Variants in PCDH7 observed in about 807,000 individuals in gnomAD.
PCDH7 encodes the protein protocadherin-7.
In PCDH7, 17 loss-of-function variants were observed where a neutral mutation model predicts 58.9. The ratio of observed to expected loss-of-function variants is 0.29; its 90% CI spans 0.20 to 0.43. PCDH7 has a LOEUF of 0.43. Among genes scored for constraint, PCDH7 ranks in the 20% least tolerant of loss-of-function variants. The probability of loss-of-function intolerance (pLI) is 1.00; values close to 1 mark genes in which losing one functional copy is unlikely to be tolerated. For synonymous variants in PCDH7, 664 were observed against 616.4 expected (o/e 1.08, Z -1.14); for missense variants, 1,274 against 1,441.0 (o/e 0.88, Z 1.88).
intron 3 of PCDH7, among the ~76,000 whole-genome samples, chr4:31,097,656 T>G (rs2109296018): frequency 7.6e-6 from 1 of 132,374 alleles, no homozygotes; most frequent in South Asian, 2.5e-4. Context: ...TTTCTGTAAT[T>G]TCTGTAATTT....
intron 3 of PCDH7, among the ~76,000 whole-genome samples, chr4:31,067,236 T>C (rs1307165761): frequency 1.3e-5 from 2 of 151,932 alleles, no homozygotes; most frequent in African/African-American, 4.8e-5. Flanking sequence ...TGAATCTGTG[T>C]TTTTTACTAA....
intron 1 of PCDH7, among the ~76,000 whole-genome samples, chr4:30,815,895 G>A (rs925836556): frequency 6.6e-6 from 1 of 152,182 alleles, no homozygotes; most frequent in South Asian, 2.1e-4. Context: ...TTCCTCAGGG[G>A]AGGGCCCTGT....
intron 3 of PCDH7, among the ~76,000 whole-genome samples, chr4:31,082,232 T>C (rs1711587941): frequency 6.6e-6 from 1 of 152,194 alleles, no homozygotes; most frequent in South Asian, 2.1e-4. Context: ...CTAGACAGTG[T>C]CCAGTCTTAC....
downstream of PCDH7, among the ~76,000 whole-genome samples, chr4:30,737,190 TATA>T (rs1716425572): frequency 1.3e-5 from 2 of 152,178 alleles, no homozygotes; most frequent in African/African-American, 4.8e-5. Flanking sequence ...CACTTTAGAT[TATA>T]ACTCCTGCTC....
At chr4:30,899,823 A>G (rs1186253319) in intron 1 of PCDH7, among the ~76,000 whole-genome samples, 1 of 152,056 alleles carries the variant, frequency 6.6e-6, no homozygotes, top group African/African-American at 2.4e-5. Flanking sequence ...GGGTCTTGCC[A>G]TAACTAAACT....
intron 1 of PCDH7, among the ~76,000 whole-genome samples, chr4:30,783,762 G>A (rs975129184): frequency 1.3e-5 from 2 of 152,098 alleles, no homozygotes; most frequent in Non-Finnish European, 2.9e-5. Flanking sequence ...TGGCCAAGAA[G>A]GTCTAGAGAA....
chr4:30,976,747 C>T (rs1487836385), intron 3 of PCDH7, among the ~76,000 whole-genome samples: 1 of 152,088 alleles, frequency 6.6e-6, no homozygotes, highest in Non-Finnish European at 1.5e-5. Context: ...ATGGGAAACA[C>T]GTTTGGTTGC....
At chr4:30,812,235 G>C (rs1727114366) in intron 1 of PCDH7, among the ~76,000 whole-genome samples, 1 of 152,120 alleles carries the variant, frequency 6.6e-6, no homozygotes, top group Non-Finnish European at 1.5e-5. Flanking sequence ...TGAGAGTAGG[G>C]TAGGAGACAG....
chr4:31,094,508 G>T (rs773537821), intron 3 of PCDH7, among the ~76,000 whole-genome samples: 2 of 152,118 alleles, frequency 1.3e-5, no homozygotes, highest in Non-Finnish European at 2.9e-5. Flanking sequence ...TTCATAGTAA[G>T]GAATGTTTTA....
chr4:30,836,578 C>G (rs572835044), intron 1 of PCDH7, among the ~76,000 whole-genome samples: 1 of 152,260 alleles, frequency 6.6e-6, no homozygotes, highest in South Asian at 2.1e-4. Flanking sequence ...TTTTTCATAG[C>G]AACATTTACT....
At chr4:31,048,068 T>C (rs11930980) in intron 3 of PCDH7, among the ~76,000 whole-genome samples, 14,184 of 152,138 alleles carry the variant, frequency 0.093, 1,012 homozygotes, top group East Asian at 0.23. Flanking sequence ...GTTAGAATAT[T>C]AGTTCCATGA....
chr4:31,097,638 A>ATATATATATATAT (rs370034723), intron 3 of PCDH7, among the ~76,000 whole-genome samples: 7 of 79,248 alleles, frequency 8.8e-5, no homozygotes, highest in Non-Finnish European at 1.2e-4. Context: ...ATATATATAT[A>ATATATATATATAT]AATCTTTTTT....
chr4:31,076,826 A>G (rs942243969), intron 3 of PCDH7, among the ~76,000 whole-genome samples: 4 of 152,208 alleles, frequency 2.6e-5, no homozygotes, highest in Non-Finnish European at 5.9e-5. Context: ...GATCACATCA[A>G]CAGATGATGA....
chr4:30,944,743 A>G (rs1479215529), intron 2 of PCDH7, among the ~76,000 whole-genome samples: 1 of 152,190 alleles, frequency 6.6e-6, no homozygotes, highest in Non-Finnish European at 1.5e-5. Context: ...GTAAACTTAG[A>G]ATATTCATTA....
downstream of PCDH7, among the ~76,000 whole-genome samples, chr4:30,737,826 A>T (rs975529513): frequency 3.3e-5 from 5 of 152,202 alleles, no homozygotes; most frequent in African/African-American, 7.2e-5. Flanking sequence ...CATTTGAAAA[A>T]ATCCAGGTTA....
rs1024387561 is a variant in PCDH7, at chr4:30,840,891, CT to C, written c.71-79251del. ...TTGCTCTCATATAATTTCTTTGGCC[CT>C]TTTTTTTTTTCTGCAAAACCAAGAG... is the stretch of plus-strand genomic sequence containing the variant. On this transcript the variant is annotated intron_variant, in intron 1 of 3. Transcript: ENST00000509759. Among the ~76,000 whole-genome samples, 1,004 of 145,080 alleles carry C rather than the reference CT, an allele frequency of 6.9e-3. 9 individuals are homozygous for C. The highest frequency in any genetic ancestry group is 7.3e-3 in the Non-Finnish European group (479 of 65,794).
intron 3 of PCDH7, among the ~76,000 whole-genome samples, chr4:30,959,336 C>T (rs573167970): frequency 6.6e-6 from 1 of 151,508 alleles, no homozygotes; most frequent in Admixed American, 6.6e-5. Context: ...TTACACAGTA[C>T]CATTAGCAAT....
At chr4:30,815,784 T>G (rs1379648815) in intron 1 of PCDH7, among the ~76,000 whole-genome samples, 1 of 152,218 alleles carries the variant, frequency 6.6e-6, no homozygotes, top group Admixed American at 6.5e-5. Context: ...TTTTTCTATC[T>G]ATTGGGAACC....
At chr4:30,923,575 A>C (rs145933155) in intron 2 of PCDH7, among the ~76,000 whole-genome samples, 2 of 152,134 alleles carry the variant, frequency 1.3e-5, no homozygotes, top group Non-Finnish European at 2.9e-5. Flanking sequence ...AAGAATAAAT[A>C]TAATTTCTTA....
Sources: allele counts gnomAD v4.1 joint callset (sites outside exome capture counted in the v4.1 genomes callset), GRCh38; gene constraint gnomAD v4.1.1; transcripts MANE v1.5; gene names NCBI Gene and HGNC (gene_info 2026-07-23, HGNC 2026-07-21).